The following EPC2 variants were observed in gnomAD, a reference collection of about 807,000 sequenced individuals.
EPC2 encodes the protein enhancer of polycomb homolog 2.
A neutral mutation model predicts 92.1 loss-of-function variants in EPC2; 14 were observed. The observed-to-expected ratio is 0.15, with a 90% CI of 0.10 to 0.24. EPC2 has a LOEUF of 0.24. EPC2 is among the 10% of genes least tolerant of loss of function. The probability of loss-of-function intolerance (pLI) is 1.00; values close to 1 mark genes in which losing one functional copy is unlikely to be tolerated. For synonymous variants in EPC2, 340 were observed against 334.7 expected (o/e 1.02, Z -0.17); for missense variants, 755 against 971.5 (o/e 0.78, Z 2.96).
At chr2:148,656,703 G>A (rs1680809086) in intron 1 of EPC2, among the ~76,000 whole-genome samples, 1 of 152,168 alleles carries the variant, frequency 6.6e-6, no homozygotes, top group African/African-American at 2.4e-5. Flanking sequence ...AAATATTTGT[G>A]ACTGAATGTA....
rs113071200 is a variant in EPC2 at position 148,669,905 on chromosome 2, T to G, written c.154-20309T>G. Among the ~76,000 whole-genome samples, 112 of 152,296 alleles carry G rather than the reference T, an allele frequency of 7.4e-4. 1 individual carries two copies. Among genetic ancestry groups the G allele is most frequent in the African/African-American group, 2.5e-3 (105 of 41,574 alleles). On this transcript the variant is annotated intron_variant, in intron 1 of 13. Transcript: ENST00000258484. ...TGTTAGGAACAGGCATTGTGTTCCC[T>G]CAGACTCTTTTGGATGGTTGTTTCT...
chr2:148,647,461 C>T (rs193178696), intron 1 of EPC2, among the ~76,000 whole-genome samples: 129 of 151,454 alleles, frequency 8.5e-4, no homozygotes, highest in African/African-American at 3.1e-3. Flanking sequence ...GCGCCCACTA[C>T]CTCGCCCAGC....
At chr2:148,725,862 A>G (rs1358313418) in intron 2 of EPC2, among the ~76,000 whole-genome samples, 7 of 152,146 alleles carry the variant, frequency 4.6e-5, no homozygotes, top group Non-Finnish European at 4.4e-5. Flanking sequence ...TTAAGTGTAC[A>G]TTACAGGTAT....
At chr2:148,677,916 C>T (rs1396602579) in intron 1 of EPC2, among the ~76,000 whole-genome samples, 1 of 152,060 alleles carries the variant, frequency 6.6e-6, no homozygotes. Flanking sequence ...AGTGTGGACC[C>T]AAAGAGTGAG....
At chr2:148,706,756 A>C (rs2105381012) in intron 2 of EPC2, among the ~76,000 whole-genome samples, 1 of 152,324 alleles carries the variant, frequency 6.6e-6, no homozygotes, top group East Asian at 1.9e-4. Context: ...TAAGCTTCAT[A>C]AGTGAAGGAG....
intron 2 of EPC2, among the ~76,000 whole-genome samples, chr2:148,721,303 G>T (rs149794148): frequency 6.6e-6 from 1 of 151,212 alleles, no homozygotes; most frequent in Non-Finnish European, 1.5e-5. Flanking sequence ...ACAGAGTGCA[G>T]AATTTTAGGT....
intron 3 of EPC2, among the ~76,000 whole-genome samples, chr2:148,753,190 G>A (rs1683111525): frequency 6.6e-6 from 1 of 152,188 alleles, no homozygotes; most frequent in Non-Finnish European, 1.5e-5. Flanking sequence ...TCAGCATTAT[G>A]CTGGCTGCAC....
At chr2:148,729,726 C>A (rs139219480) in intron 2 of EPC2, among the ~76,000 whole-genome samples, 56 of 152,248 alleles carry the variant, frequency 3.7e-4, no homozygotes, top group African/African-American at 1.3e-3. Flanking sequence ...TATCTTTACA[C>A]AACTGCCTTT....
At chr2:148,646,505 TTGTG>T (rs1011868647) in intron 1 of EPC2, among the ~76,000 whole-genome samples, 1 of 151,890 alleles carries the variant, frequency 6.6e-6, no homozygotes, top group Non-Finnish European at 1.5e-5. Flanking sequence ...ACATATATAT[TTGTG>T]TGTGCATATA....
At position 148,710,896 on chromosome 2, in the gene EPC2, A is replaced by C. The variant is rs1682126130; in HGVS notation, c.313+20523A>C. Among the ~76,000 whole-genome samples the C allele has an allele frequency of 2.6e-5, 4 of 151,876 alleles. No individual in the cohort carries two copies. In the South Asian group the frequency reaches 8.3e-4, roughly 32 times the overall value. On this transcript the variant is annotated intron_variant, in intron 2 of 13. Transcript: ENST00000258484. The stretch of plus-strand genomic sequence containing the variant: ...GGCATTAGGAGATACACTTAATGTA[A>C]AAGAGAGTTCCCATATACCTCCTGT...
intron 1 of EPC2, among the ~76,000 whole-genome samples, chr2:148,656,020 TGTGTG>T (rs1680788008): frequency 1.3e-5 from 1 of 78,258 alleles, no homozygotes; most frequent in African/African-American, 6.2e-5. Flanking sequence ...TGTGTGTGTG[TGTGTG>T]GGGGGGGGGG....
chr2:148,784,626 G>T, intron 12 of EPC2, 42 bp from the exon 13 acceptor site: 1 of 1,331,834 alleles, frequency 7.5e-7, no homozygotes, highest in South Asian at 1.4e-5. Context: ...TAGTTGTATT[G>T]ATGTCTCATG....
At chr2:148,763,087 T>A (rs1451549291) in intron 6 of EPC2, among the ~76,000 whole-genome samples, 1 of 152,162 alleles carries the variant, frequency 6.6e-6, no homozygotes, top group East Asian at 1.9e-4. Context: ...TCCGTCATGT[T>A]CAATATGCTA....
At chr2:148,754,241 T>C (rs909756028) in intron 4 of EPC2, 108 bp downstream of exon 4, 22 of 874,410 alleles carry the variant, frequency 2.5e-5, no homozygotes, top group Middle Eastern at 3.5e-4. Flanking sequence ...CTAATGGCAT[T>C]GATGACTTTC....
chr2:148,666,869 C>CT lies in EPC2; in HGVS notation c.153+21714dup, dbSNP rs61149894. 7.5e-5 allele frequency among the ~76,000 whole-genome samples: 11 copies of CT among 146,152 alleles called. No individual in the cohort carries two copies. In the South Asian group the frequency reaches 1.3e-3, roughly 17 times the overall value. On this transcript the variant is annotated intron_variant, in intron 1 of 13. Transcript: ENST00000258484. ...GAAACTTTAATAAGCCATTGTTAGA[C>CT]TTTTTTTTTTTTTTTCCAGGCTCAG...
intron 1 of EPC2, among the ~76,000 whole-genome samples, chr2:148,658,150 G>A (rs1680845167): frequency 1.3e-5 from 2 of 152,194 alleles, no homozygotes; most frequent in African/African-American, 4.8e-5. Context: ...TTTAAATTGT[G>A]TATTTAAAAT....
intron 1 of EPC2, among the ~76,000 whole-genome samples, chr2:148,681,294 G>A (rs945050446): frequency 1.3e-5 from 2 of 152,096 alleles, no homozygotes; most frequent in Non-Finnish European, 2.9e-5. Flanking sequence ...AGATTTCACT[G>A]AAGACGTGAC....
intron 1 of EPC2, among the ~76,000 whole-genome samples, chr2:148,646,552 T>A (rs941934872): frequency 6.6e-6 from 1 of 152,040 alleles, no homozygotes; most frequent in Non-Finnish European, 1.5e-5. Context: ...ACCCAGCATT[T>A]ATCCCTAAGG....
chr2:148,753,264 A>G (rs1325012491), intron 3 of EPC2, among the ~76,000 whole-genome samples: 4 of 152,218 alleles, frequency 2.6e-5, no homozygotes, highest in Admixed American at 6.5e-5. Context: ...TCCTAGGGCC[A>G]CTGTCCCAGG....
Sources: gnomAD v4.1 joint callset for allele counts (sites outside exome capture counted in the v4.1 genomes callset) on GRCh38, gnomAD v4.1.1 for gene constraint, MANE v1.5 for transcripts, NCBI Gene and HGNC (gene_info 2026-07-23, HGNC 2026-07-21) for gene names.